CRIPTO3: variants seen among roughly 807,000 people sequenced by gnomAD.
The protein encoded by CRIPTO3 is protein CRIPTO3.
the CRIPTO3 span, chrX:110,521,385 G>C: frequency 1.7e-6 from 2 of 1,211,706 alleles, no homozygotes; most frequent in South Asian, 1.8e-5. Context: ...CTGCCTGAAT[G>C]GGGGAACCTG....
the CRIPTO3 span, chrX:110,522,732 G>A: frequency 9.0e-6 from 1 of 111,054 alleles, no homozygotes; most frequent in Non-Finnish European, 1.9e-5. Context: ...CAACAAGATT[G>A]CTTAATAAAT....
chrX:110,520,953 C>G, the CRIPTO3 span: 3 of 493,562 alleles, frequency 6.1e-6, no homozygotes, highest in African/African-American at 7.0e-5. Context: ...CCTCCAGTTT[C>G]CCCTGGACAC....
Sources: gnomAD v4.1 joint callset for allele counts on GRCh38, gnomAD v4.1.1 for gene constraint, MANE v1.5 for transcripts, NCBI Gene and HGNC (gene_info 2026-07-23, HGNC 2026-07-21) for gene names.